THSD4: variants seen among roughly 807,000 people sequenced by gnomAD.
THSD4 encodes the protein thrombospondin type-1 domain-containing protein 4.
Under a neutral mutation model 119.0 loss-of-function variants are expected in THSD4, and 69 were observed. That is an observed-to-expected ratio of 0.58 (90% CI 0.48 to 0.71). The LOEUF (loss-of-function observed/expected upper bound fraction) is 0.71, where lower values mean the gene tolerates loss of function less well. Ranked by LOEUF, THSD4 falls within the 30% of genes least tolerant of loss-of-function variation. The pLI is 0.00. For missense variants in THSD4, 1,393 were observed against 1,391.1 expected (o/e 1.00, Z -0.02); for synonymous variants, 524 against 540.4 (o/e 0.97, Z 0.42).
At chr15:71,453,915 C>G (rs1318719014) in intron 7 of THSD4, among the ~76,000 whole-genome samples, 1 of 152,142 alleles carries the variant, frequency 6.6e-6, no homozygotes, top group East Asian at 1.9e-4. Context: ...GGGGCATGCT[C>G]TTTAGAGTGA....
chr15:71,385,551 A>G (rs2046284644), intron 6 of THSD4, among the ~76,000 whole-genome samples: 2 of 145,194 alleles, frequency 1.4e-5, no homozygotes, highest in Admixed American at 1.4e-4. Flanking sequence ...TGACTTATAG[A>G]AACAGCTGGC....
intron 7 of THSD4, among the ~76,000 whole-genome samples, chr15:71,635,814 TA>T (rs1180506986): frequency 6.6e-6 from 1 of 152,244 alleles, no homozygotes; most frequent in East Asian, 1.9e-4. Context: ...CATGGCACTT[TA>T]AAAGAATGCA....
Position 71,273,593 on chromosome 15 carries a change from C to T in THSD4, c.1015+16878C>T, listed in dbSNP as rs113031101. Among the ~76,000 whole-genome samples the T allele has an allele frequency of 9.5e-3, 1,442 of 152,218 alleles. 8 individuals carry two copies. The highest frequency in any genetic ancestry group is 0.017 in the Middle Eastern group (5 of 294). Reference sequence around the variant, plus strand: ...TGAGGTGAGGGATACGTTAATTAACCATATTTTCTTATTCCACAATGTATA... The same window carrying T: ...TGAGGTGAGGGATACGTTAATTAACTATATTTTCTTATTCCACAATGTATA... On this transcript the variant is annotated intron_variant, in intron 6 of 17. Coordinates refer to ENST00000261862, the MANE Select transcript of THSD4 (RefSeq NM_024817.3).
intron 7 of THSD4, among the ~76,000 whole-genome samples, chr15:71,460,658 G>A (rs1444946784): frequency 6.6e-6 from 1 of 152,184 alleles, no homozygotes; most frequent in Non-Finnish European, 1.5e-5. Flanking sequence ...CGGGCTGGTA[G>A]CTGTCTCTTC....
chr15:71,306,245 G>T (rs907076795), intron 6 of THSD4, among the ~76,000 whole-genome samples: 6 of 130,410 alleles, frequency 4.6e-5, no homozygotes, highest in Middle Eastern at 5.4e-3. Flanking sequence ...GGCAGAAGTT[G>T]CAGTGAGCCA....
intron 8 of THSD4, among the ~76,000 whole-genome samples, chr15:71,697,453 G>A (rs2052187420): frequency 6.6e-6 from 1 of 152,170 alleles, no homozygotes; most frequent in Non-Finnish European, 1.5e-5. Flanking sequence ...TAGGCACATC[G>A]ACATAGACAC....
chr15:71,106,963 T>G (rs1175015376), intron 1 of THSD4, among the ~76,000 whole-genome samples: 1 of 152,166 alleles, frequency 6.6e-6, no homozygotes, highest in Non-Finnish European at 1.5e-5. Flanking sequence ...AAGTGAAATC[T>G]CGTCCCTGAA....
upstream of THSD4, chr15:71,112,356 C>A (rs755499434): frequency 1.0e-6 from 1 of 966,456 alleles, no homozygotes; most frequent in Admixed American, 3.1e-5. Flanking sequence ...AATAGGACAA[C>A]AGGTGTAAGC....
intron 7 of THSD4, among the ~76,000 whole-genome samples, chr15:71,605,060 A>G (rs1326015906): frequency 6.6e-6 from 1 of 151,920 alleles, no homozygotes; most frequent in Non-Finnish European, 1.5e-5. Flanking sequence ...AAAGGGGAGA[A>G]CATTCCAGGT....
At chr15:71,512,124 G>T (rs1056789034) in intron 7 of THSD4, among the ~76,000 whole-genome samples, 6 of 152,160 alleles carry the variant, frequency 3.9e-5, no homozygotes, top group African/African-American at 1.4e-4. Context: ...AACCGCCCAG[G>T]CTGAACACAT....
At chr15:71,732,030 C>G (rs1039127561) in intron 10 of THSD4, 8 of 152,318 alleles carry the variant, frequency 5.3e-5, no homozygotes, top group Admixed American at 5.2e-4. Flanking sequence ...CTGACCCTGG[C>G]CTCATCACAT....
At chr15:71,207,547 A>G (rs4777342) in intron 3 of THSD4, among the ~76,000 whole-genome samples, 105,753 of 152,080 alleles carry the variant, frequency 0.7, 37,522 homozygotes, top group Admixed American at 0.78. Context: ...TAGATCAGGG[A>G]TCTTCAAACC....
intron 7 of THSD4, chr15:71,547,383 C>G: frequency 1.3e-6 from 2 of 1,550,152 alleles, no homozygotes; most frequent in South Asian, 2.4e-5. Flanking sequence ...GAGTTCTCCT[C>G]TAGGGTAGTT....
At chr15:71,683,141 C>G (rs1052446439) in intron 8 of THSD4, among the ~76,000 whole-genome samples, 1 of 151,780 alleles carries the variant, frequency 6.6e-6, no homozygotes, top group African/African-American at 2.4e-5. Flanking sequence ...AGGCTGGCCT[C>G]GAACTCCTGG....
chr15:71,259,027 C>T (rs750818651), intron 6 of THSD4, among the ~76,000 whole-genome samples: 1 of 151,884 alleles, frequency 6.6e-6, no homozygotes, highest in Non-Finnish European at 1.5e-5. Flanking sequence ...GCAGGAGAAT[C>T]GCTTGAACCT....
chr15:71,111,401 G>A (rs1313481925), upstream of THSD4: 2 of 1,611,242 alleles, frequency 1.2e-6, no homozygotes, highest in Non-Finnish European at 1.7e-6. Context: ...CAGGAACTCA[G>A]ACTGTAGGTC....
chr15:71,370,048 G>C (rs977327635), intron 6 of THSD4, among the ~76,000 whole-genome samples: 15 of 145,316 alleles, frequency 1.0e-4, no homozygotes, highest in Admixed American at 6.8e-4. Context: ...ATTTCTTCTA[G>C]ATTTTCTAGT....
intron 6 of THSD4, among the ~76,000 whole-genome samples, chr15:71,349,314 A>AT (rs1226968559): frequency 2.0e-5 from 3 of 152,028 alleles, no homozygotes; most frequent in Non-Finnish European, 4.4e-5. Context: ...TCCCTTTCTT[A>AT]TTTTTTTCTC....
At chr15:71,395,264 C>A (rs2046433081) in intron 6 of THSD4, among the ~76,000 whole-genome samples, 1 of 152,108 alleles carries the variant, frequency 6.6e-6, no homozygotes, top group Non-Finnish European at 1.5e-5. Context: ...ACGGGGAGCT[C>A]AGTAGCCAAG....
Sources: gnomAD v4.1 joint callset for allele counts (sites outside exome capture counted in the v4.1 genomes callset) on GRCh38, gnomAD v4.1.1 for gene constraint, MANE v1.5 for transcripts, NCBI Gene and HGNC (gene_info 2026-07-23, HGNC 2026-07-21) for gene names.